CAMK2D: variants seen among roughly 807,000 people sequenced by gnomAD.
CAMK2D encodes the protein calcium/calmodulin-dependent protein kinase type II subunit delta.
Under a neutral mutation model 84.0 loss-of-function variants are expected in CAMK2D, and 37 were observed. That is an observed-to-expected ratio of 0.44 (90% CI 0.34 to 0.58). The LOEUF is 0.58. Ranked by LOEUF, CAMK2D falls within the 20% of genes least tolerant of loss-of-function variation. The pLI is 0.02. For synonymous variants in CAMK2D, 202 were observed against 212.5 expected, an observed-to-expected ratio of 0.95 and a Z score of 0.43; for missense variants, 448 against 652.5, an observed-to-expected ratio of 0.69 and a Z score of 3.41.
rs566456658 is a variant in CAMK2D, at chr4:113,754,262, G to A, written c.160+5058C>T. On this transcript the variant is annotated intron_variant, in intron 2 of 20. Transcript: ENST00000511664. ...TGCATACATTACACCCTAATAAATG[G>A]GGAAGACTGATGTTAAAAAATATAC... The A allele has an allele frequency of 9.2e-6, 9 of 976,462 alleles. No homozygotes were observed. In the South Asian group the frequency reaches 3.3e-4, roughly 36 times the overall value. The allele number at this position is 976,462 out of a possible 1,614,324, so 60.5% of individuals were successfully genotyped here. A position where few individuals can be genotyped will look rare whatever the true frequency, so the allele number is the denominator to read the frequency against.
At chr4:113,584,328 C>T (rs76966107) in intron 4 of CAMK2D, among the ~76,000 whole-genome samples, 9,312 of 152,170 alleles carry the variant, frequency 0.061, 344 homozygotes, top group South Asian at 0.1. Context: ...TGAGTCCAAA[C>T]GGTTTCAAAG....
At position 113,640,519 on chromosome 4, in the gene CAMK2D, T is replaced by C. The variant is rs116799193; in HGVS notation, c.220+21194A>G. Among the ~76,000 whole-genome samples, 875 of 152,280 alleles carry C rather than the reference T, an allele frequency of 5.7e-3. 9 individuals carry two copies. Among genetic ancestry groups the C allele is most frequent in the Middle Eastern group, 0.02 (6 of 294 alleles). The stretch of plus-strand genomic sequence containing the variant: ...AGAGCTTACTATCTATCAGAAAAGT[T>C]AGATGATTAGGTAAATAGTCCTAAC... On this transcript the variant is annotated intron_variant, in intron 3 of 20. Transcript: ENST00000511664.
chr4:113,608,854 AAC>A (rs1464941581), intron 4 of CAMK2D, among the ~76,000 whole-genome samples: 1 of 152,226 alleles, frequency 6.6e-6, no homozygotes, highest in Admixed American at 6.5e-5. Context: ...GCTTATGTCA[AAC>A]ATTTTTGTGC....
At chr4:113,546,200 G>T (rs922274501) in intron 6 of CAMK2D, among the ~76,000 whole-genome samples, 2 of 152,194 alleles carry the variant, frequency 1.3e-5, no homozygotes, top group Non-Finnish European at 2.9e-5. Flanking sequence ...TGATGTGCAT[G>T]TTCATATATG....
In CAMK2D at chr4:113,570,134, T is replaced by G. The variant is rs559999833; in HGVS notation, c.276-18038A>C. ...TAAAAGAAATTGAAGACAACACAAATAAATGGAAATATATCCTCTGTTCAT... is the reference window on the plus strand; with the variant it reads ...TAAAAGAAATTGAAGACAACACAAAGAAATGGAAATATATCCTCTGTTCAT... On this transcript the variant is annotated intron_variant, in intron 4 of 20. Coordinates refer to ENST00000511664, the MANE Select transcript of CAMK2D (RefSeq NM_001321571.2). Among the ~76,000 whole-genome samples the G allele has an allele frequency of 2.0e-5, 3 of 152,100 alleles. No homozygotes were observed. In the South Asian group the frequency reaches 6.2e-4, roughly 32 times the overall value.
intron 2 of CAMK2D, among the ~76,000 whole-genome samples, chr4:113,666,600 TGCACACACACGCACACGCAG>T (rs1431024904): frequency 5.3e-5 from 8 of 151,768 alleles, no homozygotes; most frequent in Non-Finnish European, 7.4e-5. Flanking sequence ...CACGCACGCA[TGCACACACACGCACACGCAG>T]GCACACACAC....
chr4:113,589,995 A>G (rs2098857195), intron 4 of CAMK2D, among the ~76,000 whole-genome samples: 1 of 152,210 alleles, frequency 6.6e-6, no homozygotes, highest in African/African-American at 2.4e-5. Flanking sequence ...TGATATTTTG[A>G]ATATATGCAT....
chr4:113,751,653 C>T (rs1295689151), intron 2 of CAMK2D, among the ~76,000 whole-genome samples: 2 of 152,014 alleles, frequency 1.3e-5, no homozygotes, highest in African/African-American at 4.8e-5. Context: ...ACCTGTAATC[C>T]CAGCTACTCA....
chr4:113,691,087 T>A (rs543289062), intron 2 of CAMK2D, among the ~76,000 whole-genome samples: 1 of 152,278 alleles, frequency 6.6e-6, no homozygotes, highest in South Asian at 2.1e-4. Flanking sequence ...ACACTCTGGA[T>A]CTATAACAAC....
intron 2 of CAMK2D, among the ~76,000 whole-genome samples, chr4:113,746,130 T>C (rs868434633): frequency 1.3e-5 from 2 of 152,238 alleles, no homozygotes; most frequent in African/African-American, 2.4e-5. Flanking sequence ...AAGCTTGTTA[T>C]AGAAGGGCTG....
intron 3 of CAMK2D, among the ~76,000 whole-genome samples, chr4:113,641,425 A>C (rs1034176941): frequency 6.6e-6 from 1 of 152,234 alleles, no homozygotes; most frequent in Admixed American, 6.5e-5. Context: ...ATATCTGCAG[A>C]GTAGTTGAGA....
At chr4:113,652,669 G>A (rs1303946559) in intron 3 of CAMK2D, among the ~76,000 whole-genome samples, 15 of 152,080 alleles carry the variant, frequency 9.9e-5, no homozygotes, top group Non-Finnish European at 1.5e-4. Context: ...GTTTAGGGCC[G>A]ACTTCTGAGC....
intron 3 of CAMK2D, among the ~76,000 whole-genome samples, chr4:113,615,118 C>G (rs1344411312): frequency 6.6e-6 from 1 of 152,108 alleles, no homozygotes; most frequent in Non-Finnish European, 1.5e-5. Flanking sequence ...GCAAAAATGG[C>G]AGCTTGTAAG....
rs138404166 is a variant in CAMK2D at position 113,594,467 on chromosome 4, G to C, written c.275+14685C>G. Among the ~76,000 whole-genome samples the C allele has an allele frequency of 2.1e-4, 32 of 152,328 alleles. No homozygotes were observed. The East Asian group carries it at 3.7e-3, about 17-fold the overall frequency. On this transcript the variant is annotated intron_variant, in intron 4 of 20. Coordinates refer to ENST00000511664, the MANE Select transcript of CAMK2D (RefSeq NM_001321571.2). ...TATGACAAATATGTGGGAATGATCA[G>C]ACCAGACATTTTTTAAAACTGTGAA...
intron 17 of CAMK2D, among the ~76,000 whole-genome samples, chr4:113,463,623 G>T (rs1366644963): frequency 1.3e-5 from 2 of 152,196 alleles, no homozygotes; most frequent in African/African-American, 4.8e-5. Flanking sequence ...TGATCTGCCT[G>T]CCTTGGCCTC....
chr4:113,671,892 T>C (rs182456691), intron 2 of CAMK2D, among the ~76,000 whole-genome samples: 37 of 152,358 alleles, frequency 2.4e-4, no homozygotes, highest in African/African-American at 8.2e-4. Context: ...TGTCAGCTTT[T>C]TAAAATTTGT....
At chr4:113,695,158 T>G (rs1461995742) in intron 2 of CAMK2D, among the ~76,000 whole-genome samples, 10 of 152,130 alleles carry the variant, frequency 6.6e-5, no homozygotes, top group Admixed American at 6.6e-4. Flanking sequence ...CCAAGCTGGA[T>G]GATAACTGTC....
chr4:113,642,340 A>G (rs1254561907), intron 3 of CAMK2D, among the ~76,000 whole-genome samples: 1 of 152,204 alleles, frequency 6.6e-6, no homozygotes, highest in Non-Finnish European at 1.5e-5. Context: ...TATCTCAAGG[A>G]AGCTATAAGT....
intron 16 of CAMK2D, among the ~76,000 whole-genome samples, chr4:113,479,776 A>AAC (rs548594500): frequency 2.6e-5 from 4 of 152,178 alleles, no homozygotes; most frequent in African/African-American, 9.7e-5. Flanking sequence ...GATGTTTAAA[A>AAC]ACACACACAC....
Sources: gnomAD v4.1 joint callset for allele counts (sites outside exome capture counted in the v4.1 genomes callset) on GRCh38, gnomAD v4.1.1 for gene constraint, MANE v1.5 for transcripts, NCBI Gene and HGNC (gene_info 2026-07-23, HGNC 2026-07-21) for gene names.